CEP85L: variants seen among roughly 807,000 people sequenced by gnomAD.
CEP85L encodes the protein centrosomal protein of 85 kDa-like.
Under a neutral mutation model 100.3 loss-of-function variants are expected in CEP85L, and 60 were observed. The ratio of observed to expected loss-of-function variants is 0.60; its 90% CI spans 0.49 to 0.74. The LOEUF is 0.74. Among genes scored for constraint, CEP85L ranks in the 30% least tolerant of loss-of-function variants. The pLI is 0.00. For missense variants in CEP85L, 973 were observed against 936.2 expected (o/e 1.04, Z -0.51); for synonymous variants, 319 against 322.7 (o/e 0.99, Z 0.12).
intron 2 of CEP85L, among the ~76,000 whole-genome samples, chr6:118,579,095 CATG>C (rs1780415361): frequency 6.6e-6 from 1 of 152,122 alleles, no homozygotes; most frequent in Non-Finnish European, 1.5e-5. Flanking sequence ...ATTGTTTCAC[CATG>C]ATACCAAGGC....
chr6:118,578,230 A>G (rs1780355585), intron 2 of CEP85L, among the ~76,000 whole-genome samples: 1 of 152,146 alleles, frequency 6.6e-6, no homozygotes, highest in Admixed American at 6.5e-5. Flanking sequence ...TCACACCCAG[A>G]CATGTCCAAA....
chr6:118,677,654 A>C (rs1478841111), intron 1 of CEP85L, among the ~76,000 whole-genome samples: 1 of 152,222 alleles, frequency 6.6e-6, no homozygotes, highest in Admixed American at 6.5e-5. Context: ...CAACAGGTAC[A>C]AAAGTGAACT....
intron 2 of CEP85L, among the ~76,000 whole-genome samples, chr6:118,574,866 T>C (rs1051428142): frequency 6.6e-6 from 1 of 152,028 alleles, no homozygotes; most frequent in Non-Finnish European, 1.5e-5. Context: ...TGATATGCCT[T>C]AGGGTAGCTT....
chr6:118,479,879 C>T lies in CEP85L; in HGVS notation c.1906G>A (p.Glu636Lys), dbSNP rs765234976. ...QQDEIDRMIL[E>K]IQSMQGKLSK... ...CACAAAATATTCCTTACCTGAATTT[C>T]TAAAATCATTCTGTCAATCTCATCT... is the stretch of plus-strand genomic sequence containing the variant. Residue 636 changes from glutamate (E) to lysine (K), a missense_variant, in exon 10 of 13, where the codon GAA becomes AAA. Physicochemically the swap from Glu to Lys is moderately conservative, Grantham distance 56 (BLOSUM62 1). Coordinates refer to ENST00000368491, the MANE Select transcript of CEP85L (RefSeq NM_001042475.3). 6.7e-7 allele frequency: 1 copy of T among 1,492,922 alleles called. No homozygotes were observed. The highest frequency in any genetic ancestry group is 2.4e-5 in the East Asian group (1 of 41,680). The allele number at this position is 1,492,922 out of a possible 1,614,324, so 92.5% of individuals were successfully genotyped here. A position where few individuals can be genotyped will look rare whatever the true frequency, so the allele number is the denominator to read the frequency against.
rs570738018 is a variant in CEP85L at position 118,626,641 on chromosome 6, C to A, written c.232+5812G>T. Among the ~76,000 whole-genome samples the A allele has an allele frequency of 2.6e-5, 4 of 152,264 alleles. No homozygotes were observed. The South Asian group carries it at 8.3e-4, about 32-fold the overall frequency. On this transcript the variant is annotated intron_variant, in intron 2 of 12. Coordinates refer to ENST00000368491, the MANE Select transcript of CEP85L (RefSeq NM_001042475.3). ...AATCACCCAAGCTAGCAGTGGCAAC[C>A]CATTTGGGACCCCTTCCACACTGTA... is the stretch of plus-strand genomic sequence containing the variant.
chr6:118,502,482 A>C (rs1582925243), intron 5 of CEP85L: 2 of 524,312 alleles, frequency 3.8e-6, no homozygotes, highest in Admixed American at 4.6e-5. Context: ...TGACACAGCA[A>C]AACAAATGGA....
chr6:118,470,414 GAATTA>G (rs1562170431), intron 11 of CEP85L, 118 bp downstream of exon 11: 1 of 481,372 alleles, frequency 2.1e-6, no homozygotes, highest in Non-Finnish European at 3.7e-6. Flanking sequence ...AGAAACAATG[GAATTA>G]ATTAACAGGC....
chr6:118,660,885 C>CTTT (rs57604070), intron 1 of CEP85L, among the ~76,000 whole-genome samples: 1 of 149,598 alleles, frequency 6.7e-6, no homozygotes, highest in Non-Finnish European at 1.5e-5. Flanking sequence ...TTCTTTTTTT[C>CTTT]TTTTTTTTTT....
chr6:118,645,954 T>C (rs1247135085), intron 1 of CEP85L, among the ~76,000 whole-genome samples: 1 of 152,138 alleles, frequency 6.6e-6, no homozygotes, highest in East Asian at 1.9e-4. Flanking sequence ...GCGTGGTGGC[T>C]CACGCCTTAA....
At chr6:118,553,453 G>A (rs1404015116) in intron 3 of CEP85L, among the ~76,000 whole-genome samples, 6 of 152,098 alleles carry the variant, frequency 3.9e-5, no homozygotes, top group African/African-American at 1.4e-4. Flanking sequence ...GTATTCAGTA[G>A]AACTAGGATT....
intron 2 of CEP85L, among the ~76,000 whole-genome samples, chr6:118,614,766 C>T (rs1245753076): frequency 1.3e-5 from 2 of 152,042 alleles, no homozygotes; most frequent in Non-Finnish European, 2.9e-5. Flanking sequence ...GCTTGGACCC[C>T]GGAGGTGGAG....
intron 2 of CEP85L, among the ~76,000 whole-genome samples, chr6:118,592,064 A>G (rs921012931): frequency 6.6e-6 from 1 of 152,210 alleles, no homozygotes; most frequent in African/African-American, 2.4e-5. Context: ...ATAAAGAACT[A>G]AAGTACAAAG....
At chr6:118,509,757 T>C (rs1055117992) in intron 5 of CEP85L, among the ~76,000 whole-genome samples, 3 of 152,072 alleles carry the variant, frequency 2.0e-5, no homozygotes, top group African/African-American at 7.2e-5. Flanking sequence ...GGCCTCACTT[T>C]AGATCCCAAT....
At chr6:118,648,565 C>T (rs893506393) in intron 1 of CEP85L, among the ~76,000 whole-genome samples, 2 of 151,902 alleles carry the variant, frequency 1.3e-5, no homozygotes, top group African/African-American at 4.8e-5. Context: ...CACGGTGAAA[C>T]CCCGTCTCTA....
intron 3 of CEP85L, among the ~76,000 whole-genome samples, chr6:118,530,336 G>A (rs375636980): frequency 5.3e-4 from 77 of 144,816 alleles, no homozygotes; most frequent in African/African-American, 1.8e-3. Flanking sequence ...TTTGTGCAAC[G>A]AACTAGGCAT....
At position 118,618,184 on chromosome 6, in the gene CEP85L, G is replaced by A. The variant is rs529794260; in HGVS notation, c.232+14269C>T. ...GCTCCCACAGCATGGGTTACTAAGC[G>A]TGAGACAGCCACATCTTCTGACTCC... On this transcript the variant is annotated intron_variant, in intron 2 of 12. Transcript: ENST00000368491. Among the ~76,000 whole-genome samples, 22 of 152,306 alleles carry A rather than the reference G, an allele frequency of 1.4e-4. No homozygotes were observed. The South Asian group carries it at 4.6e-3, about 32-fold the overall frequency.
chr6:118,596,551 A>C (rs1053475967), intron 2 of CEP85L, among the ~76,000 whole-genome samples: 1 of 152,224 alleles, frequency 6.6e-6, no homozygotes, highest in South Asian at 2.1e-4. Flanking sequence ...GCACACACTA[A>C]TTGGAACCAA....
chr6:118,495,403 C>T (rs759798798), intron 5 of CEP85L, among the ~76,000 whole-genome samples: 3 of 151,998 alleles, frequency 2.0e-5, no homozygotes, highest in Non-Finnish European at 4.4e-5. Context: ...GGGCGATTAC[C>T]CCCATGCTAC....
chr6:118,543,926 G>A (rs1778050585), intron 3 of CEP85L, among the ~76,000 whole-genome samples: 1 of 152,200 alleles, frequency 6.6e-6, no homozygotes, highest in South Asian at 2.1e-4. Context: ...GTCTATGAAA[G>A]TTAAGAGGAG....
Sources: gnomAD v4.1 joint callset for allele counts (sites outside exome capture counted in the v4.1 genomes callset) on GRCh38, gnomAD v4.1.1 for gene constraint, MANE v1.5 for transcripts, NCBI Gene and HGNC (gene_info 2026-07-23, HGNC 2026-07-21) for gene names.